PSG1: variants seen among roughly 807,000 people sequenced by gnomAD.
PSG1 encodes the protein pregnancy-specific beta-1-glycoprotein 1.
A neutral mutation model predicts 41.4 loss-of-function variants in PSG1; 60 were observed. The ratio of observed to expected loss-of-function variants is 1.45; its 90% CI spans 1.18 to 1.80. The LOEUF is 1.80. Among genes scored for constraint, PSG1 ranks in the 40% most tolerant of loss-of-function variants. The probability of loss-of-function intolerance (pLI) is 0.00; values close to 1 mark genes in which losing one functional copy is unlikely to be tolerated. For synonymous variants in PSG1, 256 were observed against 192.9 expected (o/e 1.33, Z -2.71); for missense variants, 806 against 516.9 (o/e 1.56, Z -5.42).
chr19:42,877,431 T>G (rs1600514409), intron 2 of PSG1, among the ~76,000 whole-genome samples: 1 of 151,510 alleles, frequency 6.6e-6, no homozygotes, highest in East Asian at 1.9e-4. Flanking sequence ...AAATCCTTGG[T>G]CCCAGTAAGC....
intron 3 of PSG1, 36 bp downstream of exon 3, chr19:42,871,731 G>A (rs1971393181): frequency 6.2e-7 from 1 of 1,612,508 alleles, no homozygotes; most frequent in Non-Finnish European, 8.5e-7. Flanking sequence ...TATTTGGGAT[G>A]GCAGCCTGGC....
chr19:42,878,412 C>G, intron 1 of PSG1, 134 bp from the exon 2 acceptor site: 1 of 1,280,876 alleles, frequency 7.8e-7, no homozygotes. Flanking sequence ...TACAAACACA[C>G]ACACACACAC....
intron 3 of PSG1, chr19:42,870,656 G>T (rs928909229): frequency 6.6e-6 from 1 of 151,608 alleles, no homozygotes; most frequent in African/African-American, 2.4e-5. Flanking sequence ...TGTGATTCTG[G>T]TAGGGGATGC....
rs1971260494 is a variant in PSG1 at position 42,868,923 on chromosome 19, C to T, written c.821G>A (p.Trp274Ter). 3.1e-6 allele frequency: 5 copies of T among 1,610,420 alleles called. No homozygotes were observed. The highest frequency in any genetic ancestry group is 4.4e-4 in the Middle Eastern group (2 of 4,582). ...GACCGGGAGGCTCTGACCATTTAGC[C>T]ACCAAATGTAGGTGTAGTTCTCACT... is the stretch of plus-strand genomic sequence containing the variant. ...PKSENYTYIW[W>*]LNGQSLPVSP... Residue 274 changes from tryptophan (W) to a stop codon, truncating the protein, a stop_gained, in exon 4 of 6, where the codon TGG becomes TAG. Transcript: ENST00000436291. LOFTEE classifies it high-confidence loss of function.
At chr19:42,870,477 G>C (rs1356164391) in intron 3 of PSG1, 2 of 151,460 alleles carry the variant, frequency 1.3e-5, no homozygotes, top group Non-Finnish European at 2.9e-5. Context: ...GTATATTTTT[G>C]AAGGCCTTGG....
intron 3 of PSG1, among the ~76,000 whole-genome samples, chr19:42,871,170 C>G (rs931795797): frequency 4.6e-5 from 7 of 151,554 alleles, no homozygotes; most frequent in Admixed American, 4.6e-4. Flanking sequence ...ATGGATGAAA[C>G]AGACCTAGAT....
At position 42,877,951 on chromosome 19, in the gene PSG1, G is replaced by T. The variant is rs1162259398; in HGVS notation, c.392C>A (p.Thr131Asn). 4.3e-6 allele frequency: 7 copies of T among 1,612,274 alleles called. No homozygotes were observed. Among genetic ancestry groups the T allele is most frequent in the African/African-American group, 2.7e-5 (2 of 74,666 alleles). ...GGTGAAACGTCCAGTTACTCCTCTA[G>T]TCCCATCATCTCCCTTTATGATGTG... Reference protein sequence around the residue: ...TLHIIKGDDGTRGVTGRFTFT... With the variant: ...TLHIIKGDDGNRGVTGRFTFT... The change falls in exon 2 of 6, where the codon ACT becomes AAT. Residue 131 changes from threonine (T) to asparagine (N), a missense_variant. Physicochemically the swap from Thr to Asn is moderately conservative, Grantham distance 65. Transcript: ENST00000436291.
At chr19:42,877,064 A>T (rs534191117) in intron 2 of PSG1, among the ~76,000 whole-genome samples, 5 of 151,798 alleles carry the variant, frequency 3.3e-5, no homozygotes, top group South Asian at 4.2e-4. Context: ...CTGTGAATAA[A>T]TGTTAAATTA....
At chr19:42,872,114 C>G in intron 2 of PSG1, 69 bp from the exon 3 acceptor site, 1 of 1,552,448 alleles carries the variant, frequency 6.4e-7, no homozygotes, top group Non-Finnish European at 8.7e-7. Context: ...ATTTTTCAAT[C>G]AGAATTGGCA....
In PSG1 at chr19:42,878,381, C is replaced by T. The variant is rs752592558; in HGVS notation, c.65-103G>A. On this transcript the variant is annotated intron_variant, in intron 1 of 5. Transcript: ENST00000436291. ...AGGTCTCTTCAGTCCTCAGCCTTGA[C>T]AACACAGACACACACACACATACAA... is the stretch of plus-strand genomic sequence containing the variant. 320 of 1,428,716 alleles carry T rather than the reference C, an allele frequency of 2.2e-4. 7 individuals carry two copies. Among genetic ancestry groups the T allele is most frequent in the Non-Finnish European group, 2.9e-4 (309 of 1,063,098 alleles). 88.5% of individuals were successfully genotyped at this position (1,428,716 alleles called of 1,614,324 possible).
intron 2 of PSG1, among the ~76,000 whole-genome samples, chr19:42,873,414 A>T (rs1971475752): frequency 6.6e-6 from 1 of 151,614 alleles, no homozygotes; most frequent in Admixed American, 6.6e-5. Flanking sequence ...TCCGATGCTC[A>T]ATTTGTAACA....
At chr19:42,875,483 G>A (rs929688093) in intron 2 of PSG1, among the ~76,000 whole-genome samples, 1 of 151,648 alleles carries the variant, frequency 6.6e-6, no homozygotes, top group Non-Finnish European at 1.5e-5. Flanking sequence ...GGTCTTTTGA[G>A]ATGTTTCTCA....
intron 5 of PSG1, chr19:42,867,506 A>C (rs1010405876): frequency 2.5e-5 from 15 of 595,366 alleles, no homozygotes; most frequent in African/African-American, 2.4e-4. Context: ...ATATTGGTTC[A>C]TTCTATCTAT....
At chr19:42,872,251 A>G (rs1971425777) in intron 2 of PSG1, among the ~76,000 whole-genome samples, 1 of 151,560 alleles carries the variant, frequency 6.6e-6, no homozygotes, top group Non-Finnish European at 1.5e-5. Flanking sequence ...GGAGAAGCAC[A>G]GACTTTCTCA....
rs1357837657 is a variant in PSG1, at chr19:42,871,975, T to A, written c.501A>T (p.Leu167Phe). 5 of 1,612,134 alleles carry A rather than the reference T, an allele frequency of 3.1e-6. No individual in the cohort carries two copies. In the Admixed American group the frequency reaches 6.7e-5, roughly 22 times the overall value. Reference sequence around the variant, plus strand: ...CGTCTGGAGTCTCAGGGTCACAGGTTAAGCTCACAGCCTCCATGGTCTCCC... The same window carrying A: ...CGTCTGGAGTCTCAGGGTCACAGGTAAAGCTCACAGCCTCCATGGTCTCCC... ...NPRETMEAVS[L>F]TCDPETPDAS... The change falls in exon 3 of 6, where the codon TTA becomes TTT. Residue 167 changes from leucine (L) to phenylalanine (F), a missense_variant. Transcript: ENST00000436291.
rs570352236 is a variant in PSG1 at position 42,877,785 on chromosome 19, C to A, written c.430+128G>T. 2.5e-5 allele frequency: 40 copies of A among 1,569,856 alleles called. 1 individual carries two copies. Among genetic ancestry groups the A allele is most frequent in the Admixed American group, 1.2e-4 (7 of 59,490 alleles). ...CTCTGTGTGTGTCCTGCACTAAATG[C>A]CCAAATCCCAGCATGGGACATAACG... On this transcript the variant is annotated intron_variant, in intron 2 of 5. Transcript: ENST00000436291.
intron 2 of PSG1, among the ~76,000 whole-genome samples, chr19:42,874,295 A>T (rs1048851038): frequency 1.3e-5 from 2 of 151,298 alleles, no homozygotes; most frequent in Non-Finnish European, 2.9e-5. Flanking sequence ...TATTCTTTCC[A>T]CAGCTGTGTG....
intron 1 of PSG1, 140 bp downstream of exon 1, chr19:42,879,378 T>A: frequency 7.4e-7 from 1 of 1,355,244 alleles, no homozygotes. Flanking sequence ...GATCTTGAAC[T>A]TCTGATCTCA....
At chr19:42,872,524 C>A (rs1213324660) in intron 2 of PSG1, among the ~76,000 whole-genome samples, 1 of 151,650 alleles carries the variant, frequency 6.6e-6, no homozygotes, top group Non-Finnish European at 1.5e-5. Flanking sequence ...CCTTTGGGTA[C>A]TGGAAAGCCT....
Sources: allele counts gnomAD v4.1 joint callset (sites outside exome capture counted in the v4.1 genomes callset), GRCh38; gene constraint gnomAD v4.1.1; transcripts MANE v1.5; gene names NCBI Gene and HGNC (gene_info 2026-07-23, HGNC 2026-07-21).